Variants in ADAMTS10 observed in about 807,000 individuals in gnomAD.
The protein encoded by ADAMTS10 is ADAM metallopeptidase with thrombospondin type 1 motif 10, also known as A disintegrin and metalloproteinase with thrombospondin motifs 10.
In ADAMTS10, 48 loss-of-function variants were observed where a neutral mutation model predicts 135.9. The ratio of observed to expected loss-of-function variants is 0.35; its 90% CI spans 0.28 to 0.45. The LOEUF is 0.45. Ranked by LOEUF, ADAMTS10 falls within the 20% of genes least tolerant of loss-of-function variation. The pLI is 1.00. For synonymous variants in ADAMTS10, 621 were observed against 647.5 expected, an observed-to-expected ratio of 0.96 and a Z score of 0.62; for missense variants, 1,131 against 1,565.2, an observed-to-expected ratio of 0.72 and a Z score of 4.68.
At chr19:8,597,851 T>C (rs2042623229) in intron 6 of ADAMTS10, among the ~76,000 whole-genome samples, 1 of 151,740 alleles carries the variant, frequency 6.6e-6, no homozygotes, top group Non-Finnish European at 1.5e-5. Flanking sequence ...TTGTCTAGGG[T>C]GGAGTACAAT....
At chr19:8,610,444 C>CACACACAT (rs1568410681) in intron 1 of ADAMTS10, among the ~76,000 whole-genome samples, 200 bp downstream of exon 1, 1 of 151,490 alleles carries the variant, frequency 6.6e-6, no homozygotes, top group Admixed American at 6.6e-5. Context: ...CACACACACA[C>CACACACAT]ACAGCGCAAA....
rs968279698 is a variant in ADAMTS10, at chr19:8,605,697, C to T, written c.14G>A (p.Cys5Tyr). The change falls in exon 3 of 26, where the codon TGC becomes TAC. Residue 5 changes from cysteine (C) to tyrosine (Y), a missense_variant. By Grantham distance (194) the Cys-to-Tyr change is radical. Coordinates refer to ENST00000597188, the MANE Select transcript of ADAMTS10 (RefSeq NM_030957.4). The surrounding 1 kb of genome is among the most constrained non-coding windows in gnomAD (Gnocchi z 7.7). MAPACQILRWALALG... is the reference protein window; with the variant it reads MAPAYQILRWALALG... The stretch of plus-strand genomic sequence containing the variant: ...GGCGAGGGCCCAGCGGAGGATCTGG[C>T]AGGCGGGAGCCATAGAGGCCACGTG... 4.3e-6 allele frequency: 7 copies of T among 1,609,462 alleles called. No individual in the cohort carries two copies. The highest frequency in any genetic ancestry group is 1.3e-5 in the African/African-American group (1 of 75,022).
intron 25 of ADAMTS10, chr19:8,582,735 C>T (rs1555736077): frequency 6.6e-6 from 1 of 151,636 alleles, no homozygotes; most frequent in African/African-American, 2.4e-5. Context: ...CTGCAACCTC[C>T]ACCTCCTGGG....
intron 16 of ADAMTS10, 109 bp downstream of exon 16, chr19:8,589,780 G>C: frequency 7.0e-7 from 1 of 1,421,012 alleles, no homozygotes. Flanking sequence ...CTCCCCGGGT[G>C]GGGACAGGGC....
rs781891774 is a variant in ADAMTS10, at chr19:8,603,763, C to A, written c.557G>T (p.Arg186Leu). The A allele has an allele frequency of 1.4e-5, 23 of 1,614,024 alleles. No homozygotes were observed. Among genetic ancestry groups the A allele is most frequent in the Non-Finnish European group, 1.9e-5 (23 of 1,180,018 alleles). ...PHVVYKRSSLRHPHLDTACGV... is the reference protein window; with the variant it reads ...PHVVYKRSSLLHPHLDTACGV... Reference sequence around the variant, plus strand: ...ACAGGCTGTGTCCAGGTGGGGGTGACGCAGAGAGGAACGCTTGTACACCAC... The same window carrying A: ...ACAGGCTGTGTCCAGGTGGGGGTGAAGCAGAGAGGAACGCTTGTACACCAC... The change falls in exon 5 of 26, where the codon CGT (arginine) becomes CTT (leucine). Residue 186 changes from arginine to leucine, a missense_variant. Physicochemically the swap from Arg to Leu is moderately radical, Grantham distance 102 (BLOSUM62 -2). Around this residue, in one of 3 missense-constraint regions of ADAMTS10, gnomAD observed 306 missense variants for 344.4 expected, o/e 0.89. Coordinates refer to ENST00000597188, the MANE Select transcript of ADAMTS10 (RefSeq NM_030957.4).
At position 8,605,002 on chromosome 19, in the gene ADAMTS10, C is replaced by T. The variant is rs1237276390; in HGVS notation, c.435+10G>A. 1.1e-5 allele frequency: 18 copies of T among 1,592,916 alleles called. No homozygotes were observed. The highest frequency in any genetic ancestry group is 1.5e-5 in the Non-Finnish European group (18 of 1,170,782). ...GCATTTCCCCCCGCGTTCCAGAATC[C>T]TCAGCTCACCAGGCCTCCACAGGTG... On this transcript the variant is annotated intron_variant, in intron 4 of 25. Coordinates refer to ENST00000597188, the MANE Select transcript of ADAMTS10 (RefSeq NM_030957.4). The surrounding 1 kb of genome is among the most constrained non-coding windows in gnomAD (Gnocchi z 7.7).
rs1480056915 is a variant in ADAMTS10, at chr19:8,581,020, G to A, written c.3203-18C>T. 2 of 1,596,412 alleles carry A rather than the reference G, an allele frequency of 1.3e-6. No homozygotes were observed. Among genetic ancestry groups the A allele is most frequent in the African/African-American group, 1.3e-5 (1 of 74,548 alleles). On this transcript the variant is annotated intron_variant, in intron 25 of 25. Transcript: ENST00000597188. Reference sequence around the variant, plus strand: ...CTTGCACTCTGCGGGGACGGGAGAAGGAAGGAAAAATCAGGTCTCAGCTGC... The same window carrying A: ...CTTGCACTCTGCGGGGACGGGAGAAAGAAGGAAAAATCAGGTCTCAGCTGC...
chr19:8,598,925 G>C (rs1555740874), intron 6 of ADAMTS10, among the ~76,000 whole-genome samples: 2 of 151,764 alleles, frequency 1.3e-5, no homozygotes, highest in African/African-American at 4.9e-5. Flanking sequence ...CCAGGCTCAG[G>C]CACAACTGAG....
intron 23 of ADAMTS10, 48 bp downstream of exon 23, chr19:8,585,408 C>A (rs1555736740): frequency 6.5e-7 from 1 of 1,537,198 alleles, no homozygotes; most frequent in Non-Finnish European, 8.7e-7. Context: ...TCTCCGTGGA[C>A]ACCCCACCTG....
At position 8,592,481 on chromosome 19, in the gene ADAMTS10, G is replaced by C. The variant is rs577339663; in HGVS notation, c.1587+282C>G. Among the ~76,000 whole-genome samples, 58 of 151,828 alleles carry C rather than the reference G, an allele frequency of 3.8e-4. 1 individual carries two copies. Among genetic ancestry groups the C allele is most frequent in the African/African-American group, 1.4e-3 (56 of 41,398 alleles). On this transcript the variant is annotated intron_variant, in intron 13 of 25. Transcript: ENST00000597188. ...ATGAGGGAGAGAGCAAACAGTAGGC[G>C]TGGCCAGAGCCGTGGGAATCATTAC...
Position 8,598,657 on chromosome 19 carries a change from C to T in ADAMTS10, c.811-1340G>A, listed in dbSNP as rs181430448. Among the ~76,000 whole-genome samples the T allele has an allele frequency of 3.4e-3, 518 of 150,290 alleles. 15 individuals are homozygous for T. In the South Asian group the frequency reaches 0.067, roughly 20 times the overall value. Reference sequence around the variant, plus strand: ...AGTGGCGCAATCTTGGCTCACTCACCTCCACCTCCCGGGTTCAAGCGATTC... The same window carrying T: ...AGTGGCGCAATCTTGGCTCACTCACTTCCACCTCCCGGGTTCAAGCGATTC... On this transcript the variant is annotated intron_variant, in intron 6 of 25. Coordinates refer to ENST00000597188, the MANE Select transcript of ADAMTS10 (RefSeq NM_030957.4).
intron 6 of ADAMTS10, among the ~76,000 whole-genome samples, chr19:8,598,870 G>A (rs545976544): frequency 5.9e-5 from 9 of 151,332 alleles, no homozygotes; most frequent in Admixed American, 2.0e-4. Flanking sequence ...CCACTGCACC[G>A]GGCTGGAAAC....
chr19:8,591,344 G>T (rs73004560), intron 15 of ADAMTS10, among the ~76,000 whole-genome samples: 2,835 of 151,936 alleles, frequency 0.019, 39 homozygotes, highest in Non-Finnish European at 0.034. Flanking sequence ...GGACGAGAAG[G>T]TGGTGGGGGT....
intron 1 of ADAMTS10, among the ~76,000 whole-genome samples, chr19:8,610,100 C>A (rs2042764284): frequency 6.6e-6 from 1 of 151,674 alleles, no homozygotes; most frequent in African/African-American, 2.4e-5. Flanking sequence ...GACACACAGG[C>A]CTACACGCTG....
chr19:8,606,734 C>G (rs969281955), intron 2 of ADAMTS10, among the ~76,000 whole-genome samples: 8 of 152,050 alleles, frequency 5.3e-5, no homozygotes, highest in African/African-American at 1.9e-4. Flanking sequence ...GTGGTAGAAC[C>G]TGGGTTCATT....
At position 8,605,881 on chromosome 19, in the gene ADAMTS10, T is replaced by C. The variant is rs575476677; in HGVS notation, c.-99-72A>G. 5.7e-5 allele frequency: 77 copies of C among 1,362,612 alleles called. No homozygotes were observed. The highest frequency in any genetic ancestry group is 6.8e-5 in the Non-Finnish European group (70 of 1,032,138). The allele number at this position is 1,362,612 out of a possible 1,614,324, so 84.4% of individuals were successfully genotyped here. On this transcript the variant is annotated intron_variant, in intron 2 of 25. Coordinates refer to ENST00000597188, the MANE Select transcript of ADAMTS10 (RefSeq NM_030957.4). The surrounding 1 kb of genome is among the most constrained non-coding windows in gnomAD (Gnocchi z 7.7). ...GCACAACCAATGCCAAGGCCAATCA[T>C]GGCCAAAGCTTTTCACCTGACTCTG...
rs782097535 is a variant in ADAMTS10 at position 8,596,318 on chromosome 19, C to T, written c.1179G>A (p.Glu393=). The T allele has an allele frequency of 6.2e-7, 1 of 1,613,046 alleles. No individual in the cohort carries two copies. The highest frequency in any genetic ancestry group is 1.1e-5 in the South Asian group (1 of 91,056). Residue 393 remains glutamate (E), a synonymous_variant, in exon 10 of 26, where the codon GAG becomes GAA. Coordinates refer to ENST00000597188, the MANE Select transcript of ADAMTS10 (RefSeq NM_030957.4). The surrounding 1 kb of genome is among the most constrained non-coding windows in gnomAD (Gnocchi z 7.2). ...GLATAFTIAH[E]IGHTFGMNHD... is the part of the protein sequence containing the mutation. ...TGCCCTGGCCTCACGTGTGCCCGAT[C>T]TCGTGGGCAATGGTGAACGCTGTGG...
In ADAMTS10 at chr19:8,596,686, C is replaced by G. The variant is rs781872602; in HGVS notation, c.1041-101G>C. 1 of 1,427,692 alleles carries G rather than the reference C, an allele frequency of 7.0e-7. No individual in the cohort carries two copies. The highest frequency in any genetic ancestry group is 1.4e-5 in the African/African-American group (1 of 70,660). 88.4% of individuals were successfully genotyped at this position (1,427,692 alleles called of 1,614,324 possible). On this transcript the variant is annotated intron_variant, in intron 8 of 25. Transcript: ENST00000597188. The surrounding 1 kb of genome is among the most constrained non-coding windows in gnomAD (Gnocchi z 7.2). The stretch of plus-strand genomic sequence containing the variant: ...TGGGGGTTGAGTCCTGCCTTGGAGG[C>G]GCCATCTGCCTCTCACCTGAAGCTG...
Position 8,586,182 on chromosome 19 carries a change from C to T in ADAMTS10, c.2600G>A (p.Ser867Asn), listed in dbSNP as rs2042426066. 1.2e-6 allele frequency: 2 copies of T among 1,612,948 alleles called. No homozygotes were observed. Among genetic ancestry groups the T allele is most frequent in the Admixed American group, 1.7e-5 (1 of 59,992 alleles). Reference protein sequence around the residue: ...DSSAVAPHYCSAHSKLPKRQR... With the variant: ...DSSAVAPHYCNAHSKLPKRQR... Reference sequence around the variant, plus strand: ...CCTTTTGGGCAGCTTGCTGTGGGCACTGCAGTAGTGGGGGGCGACCGCGGA... The same window carrying T: ...CCTTTTGGGCAGCTTGCTGTGGGCATTGCAGTAGTGGGGGGCGACCGCGGA... Residue 867 changes from serine (S) to asparagine (N), a missense_variant, in exon 22 of 26, where the codon AGT becomes AAT. By Grantham distance (46) the Ser-to-Asn change is conservative. This residue lies in a region of ADAMTS10 where 745 missense variants were observed against 1,056.3 expected (regional missense o/e 0.71). Transcript: ENST00000597188.
Sources: gnomAD v4.1 joint callset for allele counts (sites outside exome capture counted in the v4.1 genomes callset) on GRCh38, gnomAD v4.1.1 for gene constraint, gnomAD v4.1.1 regional missense constraint, Gnocchi (gnomAD v3.1) non-coding constraint, MANE v1.5 for transcripts, NCBI Gene and HGNC (gene_info 2026-07-23, HGNC 2026-07-21) for gene names.